The following GRID2 variants were observed in gnomAD, a reference collection of about 807,000 sequenced individuals.
The protein encoded by GRID2 is glutamate receptor ionotropic, delta-2.
In GRID2, 33 loss-of-function variants were observed where a neutral mutation model predicts 114.8. The observed-to-expected ratio is 0.29, with a 90% CI of 0.22 to 0.38. The LOEUF is 0.38. GRID2 is among the 10% of genes least tolerant of loss of function. The pLI, the probability that GRID2 is intolerant of heterozygous loss-of-function variation, is 1.00. For missense variants in GRID2, 1,184 were observed against 1,257.7 expected (o/e 0.94, Z 0.89); for synonymous variants, 505 against 449.9 (o/e 1.12, Z -1.55).
chr4:93,734,177 G>C (rs567418228), intron 14 of GRID2, among the ~76,000 whole-genome samples: 1 of 151,888 alleles, frequency 6.6e-6, no homozygotes, highest in Non-Finnish European at 1.5e-5. Flanking sequence ...AACAATAGTT[G>C]GCTTAATACA....
At chr4:92,843,097 C>A (rs567138833) in intron 2 of GRID2, among the ~76,000 whole-genome samples, 1 of 151,528 alleles carries the variant, frequency 6.6e-6, no homozygotes, top group African/African-American at 2.4e-5. Flanking sequence ...ATAAAAAATA[C>A]CCAGGAGGGG....
Position 93,791,207 on chromosome 4 carries a change from T to TA in GRID2, c.222-15499dup, listed in dbSNP as rs896022641. Among the ~76,000 whole-genome samples, 55 of 151,568 alleles carry TA rather than the reference T, an allele frequency of 3.6e-4. 1 individual carries two copies. The highest frequency in any genetic ancestry group is 1.4e-3 in the East Asian group (7 of 5,182). On this transcript the variant is annotated intron_variant, in intron 1 of 1. Coordinates refer to the GRID2 transcript ENST00000637838. The stretch of plus-strand genomic sequence containing the variant: ...AATCTTGTAAACCTGCAATATAAAA[T>TA]AAAAAAAAACCTTTAAGACATTCAG...
chr4:92,582,203 C>A (rs6856270), intron 1 of GRID2, among the ~76,000 whole-genome samples: 1 of 151,232 alleles, frequency 6.6e-6, no homozygotes, highest in Non-Finnish European at 1.5e-5. Flanking sequence ...ATATTTTATA[C>A]AATTTTTATT....
At chr4:93,608,219 G>T (rs1399516017) in intron 13 of GRID2, among the ~76,000 whole-genome samples, 1 of 147,564 alleles carries the variant, frequency 6.8e-6, no homozygotes, top group Non-Finnish European at 1.5e-5. Flanking sequence ...TATTACATAT[G>T]CTCCCCTGGT....
intron 2 of GRID2, among the ~76,000 whole-genome samples, chr4:93,033,282 G>C (rs1724605427): frequency 6.6e-6 from 1 of 152,128 alleles, no homozygotes; most frequent in South Asian, 2.1e-4. Flanking sequence ...AACTCATTGA[G>C]AGCTATTATA....
chr4:92,560,420 A>G (rs1363903960), intron 1 of GRID2, among the ~76,000 whole-genome samples: 1 of 152,164 alleles, frequency 6.6e-6, no homozygotes, highest in Admixed American at 6.6e-5. Flanking sequence ...CTACAATGTT[A>G]TAAAGCAATC....
intron 2 of GRID2, among the ~76,000 whole-genome samples, chr4:93,039,813 T>A (rs1473257390): frequency 3.3e-5 from 5 of 152,202 alleles, no homozygotes; most frequent in African/African-American, 1.2e-4. Flanking sequence ...TTAATAACAA[T>A]ACTCAGCTTG....
At chr4:93,702,169 T>G (rs1291801463) in intron 14 of GRID2, among the ~76,000 whole-genome samples, 1 of 152,146 alleles carries the variant, frequency 6.6e-6, no homozygotes, top group Non-Finnish European at 1.5e-5. Flanking sequence ...AGATATATTC[T>G]CAGTATAATT....
rs72872727 is a variant in GRID2, at chr4:93,238,700, G to T, written c.1245+210G>T. 0.16 allele frequency among the ~76,000 whole-genome samples: 23,953 copies of T among 151,494 alleles called. 4,957 individuals are homozygous for T. The highest frequency in any genetic ancestry group is 0.48 in the African/African-American group (19,806 of 41,322). On this transcript the variant is annotated intron_variant, in intron 8 of 15. Transcript: ENST00000282020. ...AATTCTATTTCCGACTTAGAATAAT[G>T]TAAAGGAAAAAAGTAATCTGAATCT...
intron 1 of GRID2, among the ~76,000 whole-genome samples, chr4:92,582,256 G>C (rs914783946): frequency 6.6e-6 from 1 of 151,594 alleles, no homozygotes; most frequent in African/African-American, 2.4e-5. Context: ...CGTCACTAAA[G>C]TAAGCAACAA....
intron 13 of GRID2, among the ~76,000 whole-genome samples, chr4:93,542,854 C>A: frequency 6.6e-6 from 1 of 152,178 alleles, no homozygotes; most frequent in African/African-American, 2.4e-5. Flanking sequence ...CTCTGCCCAG[C>A]ATCTTCTCCT....
chr4:93,004,834 A>G (rs898917484), intron 2 of GRID2, among the ~76,000 whole-genome samples: 2 of 152,010 alleles, frequency 1.3e-5, no homozygotes, highest in Non-Finnish European at 2.9e-5. Context: ...CTGTCCTTAT[A>G]TTATATTAGA....
chr4:93,299,722 G>T (rs1441218643), intron 8 of GRID2, among the ~76,000 whole-genome samples: 1 of 151,758 alleles, frequency 6.6e-6, no homozygotes, highest in Non-Finnish European at 1.5e-5. Flanking sequence ...TATAAAAAAA[G>T]GATTAAATCT....
At chr4:92,396,820 A>G (rs1246751134) in intron 1 of GRID2, among the ~76,000 whole-genome samples, 2 of 152,090 alleles carry the variant, frequency 1.3e-5, no homozygotes, top group African/African-American at 2.4e-5. Flanking sequence ...GTCCTGGATG[A>G]ATTCTAAATA....
At chr4:92,523,995 A>T (rs1210216862) in intron 1 of GRID2, among the ~76,000 whole-genome samples, 1 of 152,064 alleles carries the variant, frequency 6.6e-6, no homozygotes, top group Non-Finnish European at 1.5e-5. Context: ...ATGTGCTTAA[A>T]GGGGAATTTT....
At chr4:93,774,879 A>G (rs1458643503), downstream of GRID2, among the ~76,000 whole-genome samples, 1 of 152,094 alleles carries the variant, frequency 6.6e-6, no homozygotes, top group African/African-American at 2.4e-5. Flanking sequence ...CATTATGATA[A>G]TATCAGGATG....
At chr4:92,504,372 A>C (rs1276201062) in intron 1 of GRID2, among the ~76,000 whole-genome samples, 1 of 151,980 alleles carries the variant, frequency 6.6e-6, no homozygotes, top group East Asian at 1.9e-4. Context: ...TGTGCTACCT[A>C]AGCAAGTTGG....
At chr4:93,432,879 T>C (rs772206174) in intron 10 of GRID2, among the ~76,000 whole-genome samples, 1 of 151,846 alleles carries the variant, frequency 6.6e-6, no homozygotes, top group African/African-American at 2.4e-5. Flanking sequence ...CTGAGCAACA[T>C]AGAGAGACCT....
chr4:93,523,197 A>T (rs1730505654), intron 13 of GRID2, among the ~76,000 whole-genome samples: 1 of 152,160 alleles, frequency 6.6e-6, no homozygotes, highest in Non-Finnish European at 1.5e-5. Context: ...TCACCACAAG[A>T]CCACAGGCAA....
Sources: allele counts gnomAD v4.1 joint callset (sites outside exome capture counted in the v4.1 genomes callset), GRCh38; gene constraint gnomAD v4.1.1; transcripts MANE v1.5; gene names NCBI Gene and HGNC (gene_info 2026-07-23, HGNC 2026-07-21).